The following KDM2B variants were observed in gnomAD, a reference collection of about 807,000 sequenced individuals.
KDM2B encodes lysine demethylase 2B.
In KDM2B, 26 loss-of-function variants were observed where a neutral mutation model predicts 150.0. The observed-to-expected ratio is 0.17, with a 90% CI of 0.13 to 0.24. The LOEUF (loss-of-function observed/expected upper bound fraction) is 0.24, where lower values mean the gene tolerates loss of function less well. Ranked by LOEUF, KDM2B falls within the 10% of genes least tolerant of loss-of-function variation. KDM2B has a pLI of 1.00. For missense variants in KDM2B, 1,265 were observed against 1,816.9 expected (o/e 0.70, Z 5.52); for synonymous variants, 734 against 729.5 (o/e 1.01, Z -0.10).
chr12:121,423,621 C>A, the KDM2B span: 193,468 of 1,531,600 alleles, frequency 0.13, 16,768 homozygotes, highest in African/African-American at 0.42. This position sits in a 1 kb window ranked among gnomAD's most constrained non-coding sequence, Gnocchi z 4.3. Context: ...ACTTGACCCC[C>A]AACATTTCAA....
intron 4 of KDM2B, among the ~76,000 whole-genome samples, chr12:121,573,032 G>T (rs967905711): frequency 5.3e-5 from 8 of 151,384 alleles, no homozygotes; most frequent in African/African-American, 1.2e-4. Flanking sequence ...CACCATGTTG[G>T]CCAGGCTGGT....
the KDM2B span, chr12:121,420,565 C>CT: frequency 1.2e-6 from 2 of 1,613,640 alleles, no homozygotes; most frequent in East Asian, 4.5e-5. Context: ...AATGGATGCT[C>CT]TGTGGTTTCA....
At chr12:121,421,371 TAAAAAAAAAAAAA>T in the KDM2B span, among the ~76,000 whole-genome samples, 3 of 46,378 alleles carry the variant, frequency 6.5e-5, no homozygotes, top group Admixed American at 3.3e-4. Context: ...ATCCCATCTC[TAAAAAAAAAAAAA>T]AAAAAAAAAA....
intron 22 of KDM2B, among the ~76,000 whole-genome samples, chr12:121,434,201 C>T (rs904715371): frequency 2.8e-4 from 43 of 151,834 alleles, no homozygotes; most frequent in African/African-American, 7.5e-4. Context: ...AAATAAAGCA[C>T]GTTACAGGCA....
intron 11 of KDM2B, among the ~76,000 whole-genome samples, chr12:121,508,675 C>G (rs1348288283): frequency 2.6e-5 from 4 of 152,162 alleles, no homozygotes; most frequent in African/African-American, 4.8e-5. Flanking sequence ...CAGTCACCCC[C>G]GGGTCCTCAT....
chr12:121,416,070 C>T, the KDM2B span: 1 of 1,056,158 alleles, frequency 9.5e-7, no homozygotes, highest in Non-Finnish European at 1.4e-6. Context: ...TGAGGGCAAA[C>T]TTACCTCTCC....
At chr12:121,566,877 G>A (rs1487833096) in intron 4 of KDM2B, among the ~76,000 whole-genome samples, 3 of 152,036 alleles carry the variant, frequency 2.0e-5, no homozygotes, top group African/African-American at 7.2e-5. Flanking sequence ...GCCACAAAGT[G>A]GGAGTTTTTT....
At chr12:121,454,417 TAG>T (rs1555292360) in intron 12 of KDM2B, among the ~76,000 whole-genome samples, 14 of 152,038 alleles carry the variant, frequency 9.2e-5, no homozygotes, top group African/African-American at 3.4e-4. Flanking sequence ...AGAGCTGGGC[TAG>T]TAGCTAAGCC....
intron 12 of KDM2B, among the ~76,000 whole-genome samples, chr12:121,456,999 G>A (rs1385102017): frequency 1.3e-5 from 2 of 152,154 alleles, no homozygotes; most frequent in African/African-American, 4.8e-5. Context: ...ACAGAGCAAC[G>A]CAGGATCCTA....
At chr12:121,432,814 C>T (rs564537898) in intron 22 of KDM2B, among the ~76,000 whole-genome samples, 2 of 152,364 alleles carry the variant, frequency 1.3e-5, no homozygotes, top group African/African-American at 4.8e-5. Context: ...ACTCCATCAC[C>T]AGCTCAGGGA....
rs781851324 is a variant in KDM2B, at chr12:121,579,665, G to C, written c.127-719C>G. 17 of 1,370,492 alleles carry C rather than the reference G, an allele frequency of 1.2e-5. No homozygotes were observed. In the South Asian group the frequency reaches 2.1e-4, roughly 17 times the overall value. 84.9% of individuals were successfully genotyped at this position (1,370,492 alleles called of 1,614,324 possible). On this transcript the variant is annotated intron_variant, in intron 1 of 22. Transcript: ENST00000377071. ...CGCGCGCACACTCACTTCCTAAGGA[G>C]ACTCCCCCACCACTCCCCGCATCCC...
At chr12:121,488,302 C>T (rs531950585) in intron 12 of KDM2B, among the ~76,000 whole-genome samples, 18 of 152,304 alleles carry the variant, frequency 1.2e-4, no homozygotes, top group Admixed American at 7.2e-4. Context: ...CGATTTCTAT[C>T]AAGAACATCA....
At chr12:121,579,989 GAAAAA>G (rs35855511) in intron 1 of KDM2B, 529 of 1,207,034 alleles carry the variant, frequency 4.4e-4, no homozygotes, top group Admixed American at 1.0e-3. Context: ...TACAGATTTG[GAAAAA>G]AAAAAAAAAA....
chr12:121,496,128 C>T (rs1478517240), intron 11 of KDM2B, among the ~76,000 whole-genome samples: 1 of 151,986 alleles, frequency 6.6e-6, no homozygotes, highest in Non-Finnish European at 1.5e-5. Flanking sequence ...TTAGTGCTAC[C>T]CCAAACTATG....
chr12:121,578,987 G>T (rs782362753), intron 1 of KDM2B, 41 bp from the exon 2 acceptor site: 2 of 1,587,216 alleles, frequency 1.3e-6, no homozygotes, highest in African/African-American at 2.7e-5. Context: ...CATTATTGTG[G>T]GGGCTGGAGG....
intron 22 of KDM2B, among the ~76,000 whole-genome samples, chr12:121,434,395 C>G (rs1476457495): frequency 6.6e-6 from 1 of 150,560 alleles, no homozygotes; most frequent in Non-Finnish European, 1.5e-5. Context: ...ACACAGGAGG[C>G]TGAGGCAGGA....
At chr12:121,443,455 CAG>C (rs1875548435) in intron 17 of KDM2B, 2 of 594,386 alleles carry the variant, frequency 3.4e-6, no homozygotes, top group South Asian at 4.0e-5. Flanking sequence ...CCAGGCTCCT[CAG>C]AGGTTCCCTG....
chr12:121,537,806 G>A lies in KDM2B; in HGVS notation c.684-3216C>T, dbSNP rs1312710561. On this transcript the variant is annotated intron_variant, in intron 6 of 22. Coordinates refer to ENST00000377071, the MANE Select transcript of KDM2B (RefSeq NM_032590.5). The surrounding 1 kb of genome is among the most constrained non-coding windows in gnomAD (Gnocchi z 8.7). Reference sequence around the variant, plus strand: ...CCCGACCCCGGGAGACACAAAGAGCGGCTCCGCGACGCCGGCCCTGTAGCC... The same window carrying A: ...CCCGACCCCGGGAGACACAAAGAGCAGCTCCGCGACGCCGGCCCTGTAGCC... Among the ~76,000 whole-genome samples, 1 of 151,908 alleles carries A rather than the reference G, an allele frequency of 6.6e-6. No homozygotes were observed. The highest frequency in any genetic ancestry group is 1.5e-5 in the Non-Finnish European group (1 of 67,914).
At chr12:121,534,032 C>T (rs982686733) in intron 7 of KDM2B, among the ~76,000 whole-genome samples, 3 of 151,348 alleles carry the variant, frequency 2.0e-5, no homozygotes, top group Admixed American at 2.0e-4. Flanking sequence ...AGAGCAAGAC[C>T]CTATCTCTTA....
Sources: gnomAD v4.1 joint callset for allele counts (sites outside exome capture counted in the v4.1 genomes callset) on GRCh38, gnomAD v4.1.1 for gene constraint, Gnocchi (gnomAD v3.1) non-coding constraint, MANE v1.5 for transcripts, NCBI Gene and HGNC (gene_info 2026-07-23, HGNC 2026-07-21) for gene names.